The following LRP1B variants were observed in gnomAD, a reference collection of about 807,000 sequenced individuals.
LRP1B encodes low-density lipoprotein receptor-related protein 1B.
Under a neutral mutation model 556.6 loss-of-function variants are expected in LRP1B, and 217 were observed. The ratio of observed to expected loss-of-function variants is 0.39; its 90% CI spans 0.35 to 0.44. LRP1B has a LOEUF of 0.44. Ranked by LOEUF, LRP1B falls within the 20% of genes least tolerant of loss-of-function variation. LRP1B has a pLI of 1.00. For missense variants in LRP1B, 5,053 were observed against 5,620.8 expected, an observed-to-expected ratio of 0.90 and a Z score of 3.23; for synonymous variants, 2,047 against 1,865.8, an observed-to-expected ratio of 1.10 and a Z score of -2.50.
chr2:141,206,413 C>G (rs1280266597), intron 6 of LRP1B, among the ~76,000 whole-genome samples: 1 of 150,196 alleles, frequency 6.7e-6, no homozygotes, highest in Non-Finnish European at 1.5e-5. Context: ...AACCCCGTCT[C>G]TACTAAAAAT....
At chr2:140,376,642 C>G (rs979124844) in intron 68 of LRP1B, among the ~76,000 whole-genome samples, 3 of 152,062 alleles carry the variant, frequency 2.0e-5, no homozygotes, top group African/African-American at 7.2e-5. Context: ...TATTTTTCAA[C>G]TTTTTCTCTT....
At chr2:140,397,684 C>T (rs1684312617) in intron 66 of LRP1B, among the ~76,000 whole-genome samples, 1 of 152,092 alleles carries the variant, frequency 6.6e-6, no homozygotes, top group African/African-American at 2.4e-5. Flanking sequence ...TATAATATTT[C>T]TCTTGTAGAT....
At chr2:140,786,984 T>C (rs1689927737) in intron 32 of LRP1B, among the ~76,000 whole-genome samples, 1 of 152,102 alleles carries the variant, frequency 6.6e-6, no homozygotes, top group Admixed American at 6.6e-5. Context: ...GTAGAGTTCA[T>C]TCAATGAAAA....
chr2:141,314,857 CAT>C (rs563704783), intron 3 of LRP1B, among the ~76,000 whole-genome samples: 25 of 88,452 alleles, frequency 2.8e-4, no homozygotes, highest in Admixed American at 1.7e-3. Flanking sequence ...CATATATATA[CAT>C]ATATATACAT....
intron 1 of LRP1B, among the ~76,000 whole-genome samples, chr2:141,858,823 G>A (rs1698148892): frequency 6.6e-6 from 1 of 152,058 alleles, no homozygotes; most frequent in African/African-American, 2.4e-5. Flanking sequence ...TGCTCTAAGA[G>A]GTTAAAAGAT....
chr2:140,832,150 AAAG>A (rs1691740714), intron 31 of LRP1B, among the ~76,000 whole-genome samples: 1 of 151,982 alleles, frequency 6.6e-6, no homozygotes, highest in East Asian at 1.9e-4. Context: ...TTTTTTTTTC[AAAG>A]AAGGACAGAT....
At chr2:141,857,379 C>T (rs1038886318) in intron 1 of LRP1B, among the ~76,000 whole-genome samples, 1 of 151,984 alleles carries the variant, frequency 6.6e-6, no homozygotes, top group Non-Finnish European at 1.5e-5. Flanking sequence ...CTTGCTCTGT[C>T]ACCCAGGGTG....
Position 141,282,902 on chromosome 2 carries a change from T to C in LRP1B, c.344-28261A>G, listed in dbSNP as rs1485886035. 9.2e-5 allele frequency among the ~76,000 whole-genome samples: 14 copies of C among 152,118 alleles called. 1 individual carries two copies. The highest frequency in any genetic ancestry group is 8.5e-4 in the Admixed American group (13 of 15,272). On this transcript the variant is annotated intron_variant, in intron 3 of 90. Coordinates refer to ENST00000389484, the MANE Select transcript of LRP1B (RefSeq NM_018557.3). ...AGAATGTAAGCAGTTGGAGGCTAAG[T>C]TGAAAGGGAAATGGGGCCAGGCACC...
chr2:141,076,649 C>T (rs1473122018), intron 7 of LRP1B, among the ~76,000 whole-genome samples: 1 of 152,120 alleles, frequency 6.6e-6, no homozygotes, highest in Non-Finnish European at 1.5e-5. Context: ...TTACTGTAAC[C>T]TTATGAATAA....
chr2:141,161,334 A>G (rs1391253186), intron 7 of LRP1B, among the ~76,000 whole-genome samples: 1 of 152,078 alleles, frequency 6.6e-6, no homozygotes, highest in South Asian at 2.1e-4. Flanking sequence ...CACACAAACA[A>G]AAAACGATGA....
At chr2:141,966,022 C>A (rs903522739) in intron 1 of LRP1B, among the ~76,000 whole-genome samples, 27 of 151,696 alleles carry the variant, frequency 1.8e-4, no homozygotes, top group African/African-American at 6.5e-4. Context: ...GGTTTTAAAT[C>A]AACACGCATC....
At chr2:141,115,659 T>TGTG (rs58590862) in intron 7 of LRP1B, among the ~76,000 whole-genome samples, 1,890 of 95,868 alleles carry the variant, frequency 0.02, 25 homozygotes, top group Non-Finnish European at 0.027. Flanking sequence ...GTGTGTGTGT[T>TGTG]TTTTAGTAGA....
intron 66 of LRP1B, among the ~76,000 whole-genome samples, chr2:140,414,108 G>A (rs901520300): frequency 6.6e-6 from 1 of 151,934 alleles, no homozygotes; most frequent in Admixed American, 6.6e-5. Context: ...TAGAAACAGG[G>A]TCTCACTATG....
At chr2:141,821,411 G>C (rs1323883055) in intron 1 of LRP1B, among the ~76,000 whole-genome samples, 4 of 152,126 alleles carry the variant, frequency 2.6e-5, no homozygotes, top group Non-Finnish European at 5.9e-5. Flanking sequence ...GTTTCAACAT[G>C]ATCTACTTTT....
intron 41 of LRP1B, among the ~76,000 whole-genome samples, chr2:140,661,875 G>A (rs970695615): frequency 4.0e-5 from 6 of 151,404 alleles, no homozygotes; most frequent in African/African-American, 1.5e-4. Flanking sequence ...ACACAAAAAA[G>A]TTTAAGATTC....
intron 2 of LRP1B, among the ~76,000 whole-genome samples, chr2:141,712,836 A>ATTTTTTTTTT (rs1192189235): frequency 0.019 from 1,977 of 103,246 alleles, 130 homozygotes; most frequent in Non-Finnish European, 0.022. Context: ...TGCCCAGCTA[A>ATTTTTTTTTT]TTTTTTTTTT....
chr2:141,259,322 C>G (rs1263801731), intron 3 of LRP1B, among the ~76,000 whole-genome samples: 1 of 151,984 alleles, frequency 6.6e-6, no homozygotes, highest in Admixed American at 6.6e-5. Context: ...TAATTTCAGG[C>G]TATATGAGTG....
In LRP1B at chr2:140,356,287, G is replaced by C. The variant is rs543655253; in HGVS notation, c.11530+55C>G. ...GTGATCTCACAATTTAGAAGTCTTG[G>C]GAATCTTCATAACCCAAAGATTTAT... On this transcript the variant is annotated intron_variant, in intron 75 of 90. Coordinates refer to ENST00000389484, the MANE Select transcript of LRP1B (RefSeq NM_018557.3). 5.3e-5 allele frequency: 84 copies of C among 1,571,026 alleles called. 1 individual carries two copies. In the African/African-American group the frequency reaches 1.1e-3, roughly 20 times the overall value.
intron 3 of LRP1B, among the ~76,000 whole-genome samples, chr2:141,351,993 A>G (rs867423433): frequency 6.1e-4 from 92 of 152,038 alleles, no homozygotes; most frequent in Admixed American, 2.0e-3. Context: ...GAGGCACTGA[A>G]AGTGTAAAGT....
Sources: gnomAD v4.1 joint callset for allele counts (sites outside exome capture counted in the v4.1 genomes callset) on GRCh38, gnomAD v4.1.1 for gene constraint, MANE v1.5 for transcripts, NCBI Gene and HGNC (gene_info 2026-07-23, HGNC 2026-07-21) for gene names.